Variants in TTC27 observed in about 807,000 individuals in gnomAD.
TTC27 encodes the protein tetratricopeptide repeat domain 27.
Under a neutral mutation model 115.9 loss-of-function variants are expected in TTC27, and 79 were observed. That is an observed-to-expected ratio of 0.68 (90% CI 0.57 to 0.82). The LOEUF is 0.82. TTC27 is among the 40% of genes least tolerant of loss of function. The pLI is 0.00. For missense variants in TTC27, 1,054 were observed against 993.1 expected (o/e 1.06, Z -0.82); for synonymous variants, 401 against 356.0 (o/e 1.13, Z -1.42).
At chr2:32,756,313 G>A (rs539449245) in intron 12 of TTC27, among the ~76,000 whole-genome samples, 25 of 152,330 alleles carry the variant, frequency 1.6e-4, no homozygotes, top group African/African-American at 6.0e-4. Flanking sequence ...ATTCTGCTGC[G>A]GCTACAGTTT....
intron 8 of TTC27, among the ~76,000 whole-genome samples, chr2:32,676,493 G>GTT (rs5830238): frequency 0.09 from 11,991 of 133,688 alleles, 863 homozygotes; most frequent in African/African-American, 0.17. Flanking sequence ...TTTTCATTCT[G>GTT]TTTTTTTTTT....
chr2:32,722,798 G>A (rs1427357662), intron 10 of TTC27, among the ~76,000 whole-genome samples: 1 of 152,146 alleles, frequency 6.6e-6, no homozygotes, highest in Admixed American at 6.5e-5. Flanking sequence ...CTACAATTCA[G>A]GTTGAAGGGG....
intron 13 of TTC27, among the ~76,000 whole-genome samples, chr2:32,761,432 C>A (rs1395106998): frequency 6.6e-6 from 1 of 152,132 alleles, no homozygotes; most frequent in Non-Finnish European, 1.5e-5. Flanking sequence ...AAAGGACATC[C>A]ACATTTATCT....
At chr2:32,745,021 C>T (rs1173918492) in intron 12 of TTC27, among the ~76,000 whole-genome samples, 1 of 128,220 alleles carries the variant, frequency 7.8e-6, no homozygotes, top group Non-Finnish European at 1.6e-5. Flanking sequence ...GCACTCCAGC[C>T]TGCCAGCCTG....
intron 5 of TTC27, among the ~76,000 whole-genome samples, chr2:32,657,353 CTTT>C (rs988569906): frequency 2.3e-5 from 3 of 128,316 alleles, no homozygotes; most frequent in African/African-American, 5.8e-5. Flanking sequence ...CACTGTCTTT[CTTT>C]TTTTTTTTTT....
chr2:32,808,012 C>A (rs1671192537), intron 16 of TTC27, among the ~76,000 whole-genome samples: 2 of 147,678 alleles, frequency 1.4e-5, no homozygotes, highest in African/African-American at 5.0e-5. Flanking sequence ...CAGCTCACTG[C>A]AACCTCCCCT....
At chr2:32,669,896 A>AG (rs375645911) in intron 7 of TTC27, among the ~76,000 whole-genome samples, 26,593 of 149,482 alleles carry the variant, frequency 0.18, 3,134 homozygotes, top group Middle Eastern at 0.34. Flanking sequence ...AAAAAAAAAA[A>AG]AAAAAGAAAA....
At chr2:32,631,013 A>G (rs576324289) in intron 2 of TTC27, among the ~76,000 whole-genome samples, 4 of 152,292 alleles carry the variant, frequency 2.6e-5, no homozygotes, top group East Asian at 3.9e-4. Flanking sequence ...ACTTAAAAAC[A>G]TACTTTCAGG....
chr2:32,660,844 A>G (rs1175740292), intron 5 of TTC27, among the ~76,000 whole-genome samples: 1 of 152,168 alleles, frequency 6.6e-6, no homozygotes, highest in Non-Finnish European at 1.5e-5. Flanking sequence ...GTCTTTGCCC[A>G]TGCCTATGTC....
At chr2:32,748,657 T>A (rs555018082) in intron 12 of TTC27, among the ~76,000 whole-genome samples, 2 of 152,132 alleles carry the variant, frequency 1.3e-5, no homozygotes, top group African/African-American at 4.8e-5. Context: ...GTAAACATTT[T>A]ATCATAAAAA....
intron 3 of TTC27, among the ~76,000 whole-genome samples, chr2:32,638,951 G>A (rs1412626148): frequency 6.6e-6 from 1 of 151,936 alleles, no homozygotes; most frequent in Non-Finnish European, 1.5e-5. Context: ...TCCTGCCTCA[G>A]CCTCCCAAGT....
intron 9 of TTC27, among the ~76,000 whole-genome samples, chr2:32,700,262 A>G (rs1317585356): frequency 6.6e-6 from 1 of 152,088 alleles, no homozygotes; most frequent in Non-Finnish European, 1.5e-5. Context: ...TGCTCCTCCA[A>G]TTTTAGAGAG....
intron 2 of TTC27, 143 bp downstream of exon 2, chr2:32,630,843 G>A: frequency 1.4e-6 from 1 of 706,288 alleles, no homozygotes; most frequent in Non-Finnish European, 2.2e-6. Flanking sequence ...AGTAATCTAT[G>A]TAAAAACTCA....
At chr2:32,678,409 A>T (rs1470244085) in intron 8 of TTC27, among the ~76,000 whole-genome samples, 1 of 151,578 alleles carries the variant, frequency 6.6e-6, no homozygotes, top group Non-Finnish European at 1.5e-5. Context: ...TTATTTATTT[A>T]TTTATTTTTT....
At chr2:32,645,283 A>G (rs530059130) in intron 4 of TTC27, among the ~76,000 whole-genome samples, 7 of 152,180 alleles carry the variant, frequency 4.6e-5, no homozygotes, top group Non-Finnish European at 7.3e-5. Flanking sequence ...ATCAACAGCT[A>G]TGTGACCTTA....
intron 2 of TTC27, among the ~76,000 whole-genome samples, chr2:32,632,735 A>G (rs912861543): frequency 2.0e-5 from 3 of 152,160 alleles, no homozygotes; most frequent in African/African-American, 7.2e-5. Context: ...CTGTGGGGAA[A>G]AAAGTGATTA....
At chr2:32,712,897 A>G (rs2151906322) in intron 10 of TTC27, among the ~76,000 whole-genome samples, 1 of 152,160 alleles carries the variant, frequency 6.6e-6, no homozygotes, top group South Asian at 2.1e-4. Context: ...CTTTTCTTTT[A>G]TATGCTGTGG....
chr2:32,680,669 T>C (rs1025453800), intron 9 of TTC27, among the ~76,000 whole-genome samples: 1 of 151,978 alleles, frequency 6.6e-6, no homozygotes, highest in Non-Finnish European at 1.5e-5. Context: ...TGATGAATGG[T>C]GACCTGGATG....
chr2:32,740,441 C>T (rs1342261269), intron 12 of TTC27, among the ~76,000 whole-genome samples: 1 of 100,292 alleles, frequency 1.0e-5, no homozygotes, highest in African/African-American at 3.8e-5. Flanking sequence ...TTTGGATTTC[C>T]TGTTTTGGGG....
Sources: gnomAD v4.1 joint callset for allele counts (sites outside exome capture counted in the v4.1 genomes callset) on GRCh38, gnomAD v4.1.1 for gene constraint, MANE v1.5 for transcripts, NCBI Gene and HGNC (gene_info 2026-07-23, HGNC 2026-07-21) for gene names.